The following LPAR1 variants were observed in gnomAD, a reference collection of about 807,000 sequenced individuals.
LPAR1 encodes LPA receptor 1.
Under a neutral mutation model 23.8 loss-of-function variants are expected in LPAR1, and 5 were observed. The ratio of observed to expected loss-of-function variants is 0.21; its 90% confidence interval spans 0.11 to 0.44. The LOEUF (loss-of-function observed/expected upper bound fraction) is 0.44, where lower values mean the gene tolerates loss of function less well. LPAR1 is among the 20% of genes least tolerant of loss of function. The probability of loss-of-function intolerance (pLI) is 0.99; values close to 1 mark genes in which losing one functional copy is unlikely to be tolerated. For missense variants in LPAR1, 311 were observed against 482.8 expected, an observed-to-expected ratio of 0.64 and a Z score of 3.33; for synonymous variants, 160 against 164.7, an observed-to-expected ratio of 0.97 and a Z score of 0.22.
At chr9:111,036,715 C>T (rs2097903554) in intron 1 of LPAR1, among the ~76,000 whole-genome samples, 1 of 152,306 alleles carries the variant, frequency 6.6e-6, no homozygotes, top group Middle Eastern at 3.4e-3. Context: ...CTTCCCTCCT[C>T]GCTCCTCGCC....
At chr9:110,906,434 A>G (rs117194504) in intron 5 of LPAR1, among the ~76,000 whole-genome samples, 1,929 of 152,348 alleles carry the variant, frequency 0.013, 23 homozygotes, top group Non-Finnish European at 0.021. Context: ...AAGACATATA[A>G]TCATTAAGAG....
intron 2 of LPAR1, among the ~76,000 whole-genome samples, chr9:111,015,033 T>C (rs2097413927): frequency 1.3e-5 from 2 of 151,980 alleles, no homozygotes; most frequent in African/African-American, 2.4e-5. Context: ...AGGAAGAAAG[T>C]TGGACACAGG....
At chr9:110,972,042 C>T in intron 4 of LPAR1, 31 bp downstream of exon 4, 1 of 1,599,518 alleles carries the variant, frequency 6.3e-7, no homozygotes, top group South Asian at 1.1e-5. Flanking sequence ...CTTACGATTA[C>T]CTCAGACCTC....
chr9:110,964,012 A>G (rs1201898438), intron 4 of LPAR1, among the ~76,000 whole-genome samples: 1 of 152,220 alleles, frequency 6.6e-6, no homozygotes, highest in African/African-American at 2.4e-5. Context: ...TTAATTGTTC[A>G]CATTTTAGTT....
intron 4 of LPAR1, among the ~76,000 whole-genome samples, chr9:110,949,219 G>A (rs958977881): frequency 3.3e-5 from 5 of 151,972 alleles, no homozygotes; most frequent in South Asian, 2.1e-4. Context: ...CCAGCCACAC[G>A]GGATTCTCTC....
chr9:111,006,239 A>G (rs2140357546), intron 2 of LPAR1, among the ~76,000 whole-genome samples: 1 of 152,336 alleles, frequency 6.6e-6, no homozygotes, highest in Admixed American at 6.5e-5. Flanking sequence ...CACAAGACAC[A>G]AAGTGCTGGT....
chr9:110,913,570 C>A (rs998189746), intron 5 of LPAR1, among the ~76,000 whole-genome samples: 2 of 149,284 alleles, frequency 1.3e-5, no homozygotes, highest in African/African-American at 4.9e-5. Context: ...ATATATATAT[C>A]CATTTTTAGC....
intron 5 of LPAR1, among the ~76,000 whole-genome samples, chr9:110,917,687 G>C (rs1440255212): frequency 1.3e-5 from 2 of 151,996 alleles, no homozygotes; most frequent in Non-Finnish European, 1.5e-5. Context: ...ATGTCTCTTT[G>C]GACTCAGTAC....
At chr9:110,988,287 T>A (rs1479414716) in intron 2 of LPAR1, among the ~76,000 whole-genome samples, 1 of 151,870 alleles carries the variant, frequency 6.6e-6, no homozygotes, top group Non-Finnish European at 1.5e-5. Flanking sequence ...TGGATCCTCA[T>A]AAAGAAATGA....
At chr9:110,894,038 A>G (rs1399125835) in intron 5 of LPAR1, among the ~76,000 whole-genome samples, 1 of 152,240 alleles carries the variant, frequency 6.6e-6, no homozygotes, top group African/African-American at 2.4e-5. Flanking sequence ...CTTCATTAAA[A>G]ATGTTTTTAA....
At chr9:110,962,066 T>C (rs10817124) in intron 4 of LPAR1, among the ~76,000 whole-genome samples, 34,579 of 152,188 alleles carry the variant, frequency 0.23, 4,549 homozygotes, top group Admixed American at 0.3. Context: ...TCCACTGCCA[T>C]AGCATTGAAT....
chr9:110,928,692 C>T (rs1243183106), intron 5 of LPAR1, among the ~76,000 whole-genome samples: 1 of 152,098 alleles, frequency 6.6e-6, no homozygotes, highest in African/African-American at 2.4e-5. Context: ...ATTCCAGCTC[C>T]TCAATTTATA....
intron 5 of LPAR1, among the ~76,000 whole-genome samples, chr9:110,925,132 A>G (rs2093915685): frequency 6.6e-6 from 1 of 152,136 alleles, no homozygotes; most frequent in South Asian, 2.1e-4. Flanking sequence ...GTTTGTATAT[A>G]GTTGCAGTGC....
chr9:111,038,471 G>GC, upstream of LPAR1: 1 of 369,956 alleles, frequency 2.7e-6, no homozygotes, highest in South Asian at 1.9e-5. This position sits in a 1 kb window ranked among gnomAD's most constrained non-coding sequence, Gnocchi z 4.4. Context: ...GGCCCCTACT[G>GC]CCCGGCTTTG....
At chr9:110,993,748 G>A (rs993066852) in intron 2 of LPAR1, among the ~76,000 whole-genome samples, 3 of 152,288 alleles carry the variant, frequency 2.0e-5, no homozygotes, top group Admixed American at 6.5e-5. Flanking sequence ...TCTACAGAAA[G>A]GTGCCAGGCT....
intron 5 of LPAR1, among the ~76,000 whole-genome samples, chr9:110,896,401 TA>T (rs2086346349): frequency 6.6e-6 from 1 of 152,202 alleles, no homozygotes; most frequent in Non-Finnish European, 1.5e-5. Flanking sequence ...GATGCCTAAT[TA>T]AATTTATCAG....
intron 4 of LPAR1, among the ~76,000 whole-genome samples, chr9:110,942,799 C>T (rs1391953367): frequency 6.6e-6 from 1 of 152,304 alleles, no homozygotes; most frequent in East Asian, 1.9e-4. Flanking sequence ...CAGAATAGGA[C>T]TTGTCAACCA....
chr9:110,991,695 G>A (rs911837338), intron 2 of LPAR1, among the ~76,000 whole-genome samples: 2 of 151,860 alleles, frequency 1.3e-5, no homozygotes, highest in South Asian at 2.1e-4. Context: ...TGCAACCTCC[G>A]CCTCCCAGGT....
chr9:110,986,395 C>T (rs2096781869), intron 2 of LPAR1, among the ~76,000 whole-genome samples: 1 of 151,952 alleles, frequency 6.6e-6, no homozygotes, highest in Non-Finnish European at 1.5e-5. Context: ...AGAGTAAGTG[C>T]ATGTTTCTAA....
Sources: allele counts gnomAD v4.1 joint callset (sites outside exome capture counted in the v4.1 genomes callset), GRCh38; gene constraint gnomAD v4.1.1; non-coding constraint Gnocchi (gnomAD v3.1); transcripts MANE v1.5; gene names NCBI Gene and HGNC (gene_info 2026-07-23, HGNC 2026-07-21).